Variants in ZFYVE9 observed in about 807,000 individuals in gnomAD.
ZFYVE9 encodes the protein zinc finger FYVE domain-containing protein 9.
ZFYVE9 carries 43 observed loss-of-function variants against 126.7 expected under a neutral mutation model. That is an observed-to-expected ratio of 0.34 (90% confidence interval 0.27 to 0.44). The LOEUF is 0.44. Among genes scored for constraint, ZFYVE9 ranks in the 20% least tolerant of loss-of-function variants. The probability of loss-of-function intolerance (pLI) is 1.00; values close to 1 mark genes in which losing one functional copy is unlikely to be tolerated. For synonymous variants in ZFYVE9, 521 were observed against 597.4 expected, an observed-to-expected ratio of 0.87 and a Z score of 1.87; for missense variants, 1,476 against 1,697.0, an observed-to-expected ratio of 0.87 and a Z score of 2.29.
chr1:52,262,557 A>G (rs141105053), intron 4 of ZFYVE9, among the ~76,000 whole-genome samples: 105 of 152,304 alleles, frequency 6.9e-4, no homozygotes, highest in African/African-American at 2.3e-3. Context: ...AAAATTGTAA[A>G]CTGATAACAG....
intron 2 of ZFYVE9, among the ~76,000 whole-genome samples, chr1:52,230,653 CCTGTCT>C (rs1645212848): frequency 6.6e-6 from 1 of 152,036 alleles, no homozygotes; most frequent in African/African-American, 2.4e-5. Flanking sequence ...TTGGCTGCCT[CCTGTCT>C]CTATCTGTCC....
At chr1:52,329,416 T>A in intron 13 of ZFYVE9, among the ~76,000 whole-genome samples, 1 of 152,172 alleles carries the variant, frequency 6.6e-6, no homozygotes, top group East Asian at 1.9e-4. Flanking sequence ...TAATCTTTCG[T>A]GACCTTGGAT....
chr1:52,209,122 A>C (rs1645004726), intron 1 of ZFYVE9, among the ~76,000 whole-genome samples: 1 of 152,188 alleles, frequency 6.6e-6, no homozygotes, highest in Non-Finnish European at 1.5e-5. Flanking sequence ...TAGAAAAATC[A>C]TGGATCAGTT....
chr1:52,216,352 AT>A lies in ZFYVE9; in HGVS notation c.-142-16del. ...ATTGTTTCAGCAAGTGTAATGAGCA[AT>A]GTGTTTTTCCTTTAGGATCAAACAG... is the stretch of plus-strand genomic sequence containing the variant. On this transcript the variant is annotated splice_polypyrimidine_tract_variant and intron_variant, in intron 1 of 18. Coordinates refer to ENST00000287727, the MANE Select transcript of ZFYVE9 (RefSeq NM_004799.4). 1 of 398,436 alleles carries A rather than the reference AT, an allele frequency of 2.5e-6. No individual in the cohort carries two copies. Among genetic ancestry groups the A allele is most frequent in the Non-Finnish European group, 4.4e-6 (1 of 225,904 alleles). 24.7% of individuals were successfully genotyped at this position (398,436 alleles called of 1,614,324 possible). A position where few individuals can be genotyped will look rare whatever the true frequency, so the allele number is the denominator to read the frequency against.
rs188788246 is a variant in ZFYVE9 at position 52,272,180 on chromosome 1, T to G, written c.2626-2284T>G. The stretch of plus-strand genomic sequence containing the variant: ...TTTTAATGTTTGTTCAGGTATACAA[T>G]ATATGTAGCAAAATGCATGACTAAG... On this transcript the variant is annotated intron_variant, in intron 7 of 18. Transcript: ENST00000287727. Among the ~76,000 whole-genome samples the G allele has an allele frequency of 5.3e-5, 8 of 152,318 alleles. No homozygotes were observed. In the East Asian group the frequency reaches 1.5e-3, roughly 29 times the overall value.
chr1:52,321,946 A>G (rs1646244380), intron 13 of ZFYVE9, among the ~76,000 whole-genome samples: 1 of 152,306 alleles, frequency 6.6e-6, no homozygotes, highest in African/African-American at 2.4e-5. Flanking sequence ...CTTAAATACT[A>G]TTTCTAAGCT....
rs1164854282 is a variant in ZFYVE9 at position 52,332,876 on chromosome 1, T to C, written c.3547T>C (p.Tyr1183His). Reference sequence around the variant, plus strand: ...GTGTGTACAGAATGATGATGGAAACTATCAGACCCAGGCTATCAGTATTCA... The same window carrying C: ...GTGTGTACAGAATGATGATGGAAACCATCAGACCCAGGCTATCAGTATTCA... ...LVCVQNDDGN[Y>H]QTQAISIHNQ... Residue 1183 changes from tyrosine (Y) to histidine (H), a missense_variant, in exon 14 of 19, where the codon TAT becomes CAT. By Grantham distance (83) the Tyr-to-His change is moderately conservative. Around this residue, in one of 2 missense-constraint regions of ZFYVE9, gnomAD observed 669 missense variants for 902.4 expected, o/e 0.74. Transcript: ENST00000287727. The C allele has an allele frequency of 6.2e-7, 1 of 1,614,148 alleles. No homozygotes were observed. Among genetic ancestry groups the C allele is most frequent in the Admixed American group, 1.7e-5 (1 of 60,014 alleles).
chr1:52,223,166 A>G (rs1645139911), intron 2 of ZFYVE9, among the ~76,000 whole-genome samples: 2 of 152,102 alleles, frequency 1.3e-5, no homozygotes, highest in African/African-American at 2.4e-5. Context: ...TGACCCCGCT[A>G]TTCTTCTTCA....
In ZFYVE9 at chr1:52,274,521, G is replaced by A. The variant is rs141085489; in HGVS notation, c.2683G>A (p.Ala895Thr). 1.2e-6 allele frequency: 2 copies of A among 1,612,596 alleles called. No homozygotes were observed. Among genetic ancestry groups the A allele is most frequent in the East Asian group, 2.2e-5 (1 of 44,820 alleles). The part of the protein sequence containing the change: ...ITQVGSPVGS[A>T]MNLIPEDGLP... The stretch of plus-strand genomic sequence containing the variant: ...TCAGGTTGGAAGTCCTGTTGGAAGT[G>A]CAATGAATCTTATTCCTGAAGATGG... The change falls in exon 8 of 19, where the codon GCA becomes ACA. Residue 895 changes from alanine to threonine, a missense_variant. By Grantham distance (58) the Ala-to-Thr change is moderately conservative (BLOSUM62 0). Coordinates refer to ENST00000287727, the MANE Select transcript of ZFYVE9 (RefSeq NM_004799.4).
At chr1:52,200,073 A>G (rs1434057973) in intron 1 of ZFYVE9, among the ~76,000 whole-genome samples, 2 of 150,232 alleles carry the variant, frequency 1.3e-5, no homozygotes, top group South Asian at 2.1e-4. Context: ...TACATTTTGG[A>G]TAATAGACCT....
intron 4 of ZFYVE9, 22 bp from the exon 5 acceptor site, chr1:52,263,748 GTTC>G: frequency 9.4e-7 from 1 of 1,066,810 alleles, no homozygotes. Flanking sequence ...AATTTTGTGT[GTTC>G]TTCCCCCCCC....
intron 17 of ZFYVE9, among the ~76,000 whole-genome samples, chr1:52,340,904 CAAAA>C (rs10608842): frequency 1.3e-4 from 13 of 100,676 alleles, no homozygotes; most frequent in Non-Finnish European, 1.6e-4. Flanking sequence ...GACTCCGTCT[CAAAA>C]AAAAAAAAAA....
chr1:52,269,559 A>G (rs1217614365), intron 7 of ZFYVE9, among the ~76,000 whole-genome samples: 2 of 152,180 alleles, frequency 1.3e-5, no homozygotes, highest in African/African-American at 2.4e-5. Flanking sequence ...ATTGTAATTG[A>G]AATTGCATGT....
At chr1:52,147,194 C>G (rs938536833) in intron 1 of ZFYVE9, among the ~76,000 whole-genome samples, 3 of 152,106 alleles carry the variant, frequency 2.0e-5, no homozygotes, top group South Asian at 2.1e-4. Flanking sequence ...ATAAGGGATA[C>G]TCAACGCATA....
At chr1:52,257,918 G>A (rs1569604862) in intron 4 of ZFYVE9, among the ~76,000 whole-genome samples, 1 of 151,998 alleles carries the variant, frequency 6.6e-6, no homozygotes, top group Admixed American at 6.6e-5. Flanking sequence ...TAGAGATAGG[G>A]TTTCACCATA....
At chr1:52,286,375 G>C (rs1015262926) in intron 10 of ZFYVE9, among the ~76,000 whole-genome samples, 19 of 151,970 alleles carry the variant, frequency 1.3e-4, no homozygotes, top group Non-Finnish European at 2.2e-4. Context: ...CTAAACTACA[G>C]GTATTTAATA....
intron 2 of ZFYVE9, among the ~76,000 whole-genome samples, chr1:52,221,005 G>A (rs959325886): frequency 2.6e-5 from 4 of 152,294 alleles, no homozygotes; most frequent in Admixed American, 2.6e-4. Context: ...TTAATTTTTT[G>A]TGGACCAAAT....
At chr1:52,247,098 G>A (rs1645394109) in intron 4 of ZFYVE9, among the ~76,000 whole-genome samples, 1 of 152,086 alleles carries the variant, frequency 6.6e-6, no homozygotes, top group South Asian at 2.1e-4. Flanking sequence ...CCCAAGTGTT[G>A]GGATTATATG....
intron 17 of ZFYVE9, among the ~76,000 whole-genome samples, chr1:52,341,234 A>G (rs540572607): frequency 6.6e-6 from 1 of 152,364 alleles, no homozygotes; most frequent in African/African-American, 2.4e-5. Flanking sequence ...AAACAAACAA[A>G]CAAAACTAAA....
Sources: allele counts gnomAD v4.1 joint callset (sites outside exome capture counted in the v4.1 genomes callset), GRCh38; gene constraint gnomAD v4.1.1; regional missense constraint gnomAD v4.1.1; transcripts MANE v1.5; gene names NCBI Gene and HGNC (gene_info 2026-07-23, HGNC 2026-07-21).